Variants in CD200 observed in about 807,000 individuals in gnomAD.
CD200 encodes the protein CD200 molecule.
Under a neutral mutation model 30.9 loss-of-function variants are expected in CD200, and 15 were observed. That is an observed-to-expected ratio of 0.49 (90% CI 0.32 to 0.75). The LOEUF is 0.75. Ranked by LOEUF, CD200 falls within the 30% of genes least tolerant of loss-of-function variation. CD200 has a pLI of 0.03. For synonymous variants in CD200, 134 were observed against 126.2 expected, an observed-to-expected ratio of 1.06 and a Z score of -0.41; for missense variants, 262 against 324.2, an observed-to-expected ratio of 0.81 and a Z score of 1.47.
chr3:112,338,927 C>G (rs768042425), intron 1 of CD200, among the ~76,000 whole-genome samples: 6 of 152,182 alleles, frequency 3.9e-5, no homozygotes, highest in Non-Finnish European at 5.9e-5. Context: ...TGTCACTTCA[C>G]AGCTGTGTGA....
chr3:112,340,350 A>G (rs940674893), intron 1 of CD200, among the ~76,000 whole-genome samples: 5 of 152,188 alleles, frequency 3.3e-5, no homozygotes, highest in Non-Finnish European at 7.3e-5. Context: ...GCCCAGACAC[A>G]TGAAAATAAG....
At position 112,344,816 on chromosome 3, in the gene CD200, C is replaced by A. The variant is rs115737691; in HGVS notation, c.95-146C>A. On this transcript the variant is annotated intron_variant, in intron 2 of 5. Transcript: ENST00000315711. ...GAACCTATATATTTCTCTGGCATCA[C>A]GTAGGAATGTAAATAAATGTTTTCT... 6 of 634,894 alleles carry A rather than the reference C, an allele frequency of 9.5e-6. No homozygotes were observed. The Admixed American group carries it at 1.5e-4, about 16-fold the overall frequency. The allele number at this position is 634,894 out of a possible 1,614,324, so 39.3% of individuals were successfully genotyped here.
chr3:112,349,677 T>C (rs2081493101), intron 4 of CD200, 35 bp from the exon 5 acceptor site: 2 of 1,573,714 alleles, frequency 1.3e-6, no homozygotes, highest in Non-Finnish European at 1.7e-6. Context: ...CCTCATGTGA[T>C]GTCATTTTCC....
At chr3:112,347,479 C>G in intron 3 of CD200, 79 bp from the exon 4 acceptor site, 3 of 1,361,020 alleles carry the variant, frequency 2.2e-6, no homozygotes, top group Non-Finnish European at 3.1e-6. Context: ...AAGCATATTT[C>G]CTTCATCTCT....
chr3:112,340,847 C>G, intron 1 of CD200, 55 bp from the exon 2 acceptor site: 2 of 1,108,956 alleles, frequency 1.8e-6, no homozygotes, highest in Non-Finnish European at 2.7e-6. Flanking sequence ...TTGAAGCTTC[C>G]TTGGATTTGT....
At position 112,333,231 on chromosome 3, in the gene CD200, G is replaced by C. The variant is rs1191470640; in HGVS notation, c.12+7G>C. The C allele has an allele frequency of 4.5e-6, 7 of 1,549,668 alleles. No individual in the cohort carries two copies. The highest frequency in any genetic ancestry group is 1.2e-5 in the South Asian group (1 of 83,988). On this transcript the variant is annotated splice_region_variant and intron_variant, in intron 1 of 5. Coordinates refer to ENST00000315711, the MANE Select transcript of CD200 (RefSeq NM_005944.7). ...AGCAAGGATGGAGAGGCTGGTGAGCGGGGCCGGGGCTTGGGAAGGAGGGCG... is the reference window on the plus strand; with the variant it reads ...AGCAAGGATGGAGAGGCTGGTGAGCCGGGCCGGGGCTTGGGAAGGAGGGCG...
chr3:112,358,251 G>T (rs1318598062), intron 5 of CD200, among the ~76,000 whole-genome samples: 1 of 152,174 alleles, frequency 6.6e-6, no homozygotes, highest in East Asian at 1.9e-4. Flanking sequence ...AGTGGTCCTG[G>T]ATGGGAATCT....
At chr3:112,358,921 AAGAAAGAGAG>A (rs1306174093) in intron 5 of CD200, among the ~76,000 whole-genome samples, 3 of 130,116 alleles carry the variant, frequency 2.3e-5, no homozygotes, top group Non-Finnish European at 4.7e-5. Context: ...AGTGAGAGGA[AAGAAAGAGAG>A]AGAAAGAAAG....
At chr3:112,355,611 C>T (rs557020632) in intron 5 of CD200, among the ~76,000 whole-genome samples, 9 of 152,248 alleles carry the variant, frequency 5.9e-5, no homozygotes, top group East Asian at 1.9e-4. Flanking sequence ...CTTATCATAA[C>T]GTATTAAACC....
chr3:112,340,849 T>G (rs1396136966), intron 1 of CD200, 53 bp from the exon 2 acceptor site: 1 of 1,127,930 alleles, frequency 8.9e-7, no homozygotes, highest in African/African-American at 1.6e-5. Flanking sequence ...GAAGCTTCCT[T>G]GGATTTGTCC....
chr3:112,333,711 C>T, intron 1 of CD200: 4 of 985,454 alleles, frequency 4.1e-6, no homozygotes, highest in Non-Finnish European at 4.8e-6. Context: ...CGGGAGAGCT[C>T]CTGCGTCTCC....
intron 5 of CD200, among the ~76,000 whole-genome samples, chr3:112,358,925 A>G (rs1409100165): frequency 8.0e-6 from 1 of 124,908 alleles, no homozygotes; most frequent in Non-Finnish European, 1.6e-5. Context: ...AGAGGAAAGA[A>G]AGAGAGAGAA....
At chr3:112,349,866 T>C (rs768469985) in intron 5 of CD200, 47 bp downstream of exon 5, 2 of 1,552,346 alleles carry the variant, frequency 1.3e-6, no homozygotes, top group Non-Finnish European at 1.7e-6. Flanking sequence ...TTAAATTTGA[T>C]TTTTAATGAC....
upstream of CD200, chr3:112,332,935 T>C (rs983418099): frequency 7.5e-6 from 4 of 534,004 alleles, no homozygotes; most frequent in Non-Finnish European, 3.3e-6. Flanking sequence ...ATTTTTTTTT[T>C]CCAAACACTT....
chr3:112,345,397 C>T (rs1576603527), intron 3 of CD200, 109 bp downstream of exon 3: 1 of 833,206 alleles, frequency 1.2e-6, no homozygotes, highest in East Asian at 2.5e-5. Flanking sequence ...CAGAAAGGGT[C>T]ATGAGAAGAT....
chr3:112,337,681 C>A (rs1363349627), intron 1 of CD200, among the ~76,000 whole-genome samples: 1 of 152,128 alleles, frequency 6.6e-6, no homozygotes, highest in Non-Finnish European at 1.5e-5. Flanking sequence ...GCCTTATGCA[C>A]CATTGTCTCC....
At chr3:112,337,783 A>T (rs559739640) in intron 1 of CD200, among the ~76,000 whole-genome samples, 21 of 152,092 alleles carry the variant, frequency 1.4e-4, no homozygotes, top group African/African-American at 5.1e-4. Flanking sequence ...GTCCCTTGGG[A>T]CCCATGGGGG....
chr3:112,356,393 G>T (rs1250993818), intron 5 of CD200, among the ~76,000 whole-genome samples: 2 of 151,824 alleles, frequency 1.3e-5, no homozygotes, highest in African/African-American at 4.8e-5. Context: ...TGTATTTATG[G>T]TGTACAACAT....
At chr3:112,335,761 G>T (rs1223830404) in intron 1 of CD200, 2 of 617,386 alleles carry the variant, frequency 3.2e-6, no homozygotes, top group South Asian at 1.7e-5. Flanking sequence ...CAGTTAGAGT[G>T]AATGCTGAAG....
Sources: allele counts gnomAD v4.1 joint callset (sites outside exome capture counted in the v4.1 genomes callset), GRCh38; gene constraint gnomAD v4.1.1; transcripts MANE v1.5; gene names NCBI Gene and HGNC (gene_info 2026-07-23, HGNC 2026-07-21).